SRPK2: variants seen among roughly 807,000 people sequenced by gnomAD.
The protein encoded by SRPK2 is SRSF protein kinase 2.
A neutral mutation model predicts 90.8 loss-of-function variants in SRPK2; 21 were observed. That is an observed-to-expected ratio of 0.23 (90% CI 0.16 to 0.33). SRPK2 has a LOEUF of 0.33. SRPK2 is among the 10% of genes least tolerant of loss of function. The pLI is 1.00. For synonymous variants in SRPK2, 288 were observed against 311.1 expected (o/e 0.93, Z 0.78); for missense variants, 620 against 869.0 (o/e 0.71, Z 3.60).
chr7:105,178,891 A>C (rs74880983), intron 3 of SRPK2, among the ~76,000 whole-genome samples: 2,040 of 152,330 alleles, frequency 0.013, 49 homozygotes, highest in African/African-American at 0.046. Context: ...TTTCCTCATT[A>C]GTAATTTAAA....
At chr7:105,172,067 C>T (rs1226220862) in intron 3 of SRPK2, among the ~76,000 whole-genome samples, 4 of 151,872 alleles carry the variant, frequency 2.6e-5, no homozygotes, top group African/African-American at 9.7e-5. Context: ...CTAATTTTTG[C>T]GTTTTTAGTA....
chr7:105,237,754 A>G (rs1800315860), intron 2 of SRPK2, among the ~76,000 whole-genome samples: 1 of 152,248 alleles, frequency 6.6e-6, no homozygotes, highest in Non-Finnish European at 1.5e-5. Flanking sequence ...GTGCTGTGGT[A>G]AAGCTACAAG....
intron 2 of SRPK2, chr7:105,301,769 G>C (rs749043490): frequency 4.1e-5 from 65 of 1,590,362 alleles, no homozygotes; most frequent in Non-Finnish European, 5.4e-5. Flanking sequence ...TATTAGCCAA[G>C]TTACAGGAAG....
chr7:105,272,068 T>C (rs1431088002), intron 2 of SRPK2, among the ~76,000 whole-genome samples: 1 of 152,200 alleles, frequency 6.6e-6, no homozygotes, highest in Non-Finnish European at 1.5e-5. Flanking sequence ...CAGTCTGCTT[T>C]TACAAGTCAG....
intron 2 of SRPK2, among the ~76,000 whole-genome samples, chr7:105,288,261 A>G (rs1808435116): frequency 6.6e-6 from 1 of 152,190 alleles, no homozygotes; most frequent in Non-Finnish European, 1.5e-5. Flanking sequence ...CAAAATTGCT[A>G]AAATAAATCA....
At chr7:105,272,640 G>A (rs1037057823) in intron 2 of SRPK2, among the ~76,000 whole-genome samples, 1 of 152,036 alleles carries the variant, frequency 6.6e-6, no homozygotes, top group African/African-American at 2.4e-5. Flanking sequence ...TGATCCTTCT[G>A]TCTACATACA....
chr7:105,363,111 C>CA (rs1818623975), intron 2 of SRPK2, among the ~76,000 whole-genome samples: 1 of 152,024 alleles, frequency 6.6e-6, no homozygotes, highest in African/African-American at 2.4e-5. Flanking sequence ...GGGTGCAGCA[C>CA]ACCAACATGG....
chr7:105,233,474 T>G (rs1338698578), intron 2 of SRPK2, among the ~76,000 whole-genome samples: 1 of 152,174 alleles, frequency 6.6e-6, no homozygotes, highest in Non-Finnish European at 1.5e-5. Flanking sequence ...ATGGAGAACT[T>G]GCATATGAGA....
chr7:105,203,029 C>T (rs1279934297), intron 3 of SRPK2, among the ~76,000 whole-genome samples: 2 of 152,172 alleles, frequency 1.3e-5, no homozygotes, highest in African/African-American at 2.4e-5. Context: ...GGTTCTGCCG[C>T]CCAGGCTGGA....
intron 3 of SRPK2, among the ~76,000 whole-genome samples, chr7:105,176,023 T>C (rs1405525200): frequency 6.6e-6 from 1 of 152,154 alleles, no homozygotes; most frequent in African/African-American, 2.4e-5. Context: ...GCAAAGACAT[T>C]ATAAGAAAAC....
intron 2 of SRPK2, among the ~76,000 whole-genome samples, chr7:105,288,917 C>A (rs1006017888): frequency 6.6e-6 from 1 of 152,028 alleles, no homozygotes; most frequent in Non-Finnish European, 1.5e-5. Flanking sequence ...AGTATAAAAT[C>A]TCTCAATAAC....
intron 3 of SRPK2, among the ~76,000 whole-genome samples, chr7:105,203,340 C>T (rs1195863654): frequency 6.6e-6 from 1 of 152,188 alleles, no homozygotes; most frequent in East Asian, 1.9e-4. Context: ...CTGCTGTATA[C>T]TACCTTTAAT....
intron 2 of SRPK2, among the ~76,000 whole-genome samples, chr7:105,367,711 T>C (rs1262070935): frequency 6.6e-6 from 1 of 152,200 alleles, no homozygotes; most frequent in East Asian, 1.9e-4. Context: ...ATGTTTGCAC[T>C]TCTCTTGACT....
At chr7:105,173,927 T>G (rs901642480) in intron 3 of SRPK2, among the ~76,000 whole-genome samples, 6 of 151,102 alleles carry the variant, frequency 4.0e-5, no homozygotes, top group East Asian at 1.9e-4. Context: ...TTGGTGTTTT[T>G]TTTTTTTTTT....
intron 3 of SRPK2, among the ~76,000 whole-genome samples, chr7:105,194,778 A>G (rs556483194): frequency 1.3e-5 from 2 of 152,282 alleles, no homozygotes; most frequent in African/African-American, 4.8e-5. Context: ...GACACTACCC[A>G]TTCAAGGCAT....
At chr7:105,180,083 A>C (rs1383957277) in intron 3 of SRPK2, among the ~76,000 whole-genome samples, 1 of 152,188 alleles carries the variant, frequency 6.6e-6, no homozygotes, top group Non-Finnish European at 1.5e-5. Context: ...AAGATCTTAA[A>C]GTCCATAAGG....
intron 2 of SRPK2, among the ~76,000 whole-genome samples, chr7:105,211,584 A>T (rs947600111): frequency 2.0e-5 from 3 of 152,044 alleles, no homozygotes; most frequent in African/African-American, 7.2e-5. Flanking sequence ...GGTGCTACAC[A>T]CTTTTAGAAC....
rs1554428678 is a variant in SRPK2 at position 105,159,466 on chromosome 7, A to AAAC, written c.621+1040_621+1041insGTT. The stretch of plus-strand genomic sequence containing the variant: ...CCGTCTCCAAAAAAAAAAAAAAAAA[A>AAAC]AAAAAAACCGTACAAAAGGAAGAAG... On this transcript the variant is annotated intron_variant, in intron 7 of 15. Transcript: ENST00000393651. Among the ~76,000 whole-genome samples, 247 of 114,312 alleles carry AAAC rather than the reference A, an allele frequency of 2.2e-3. 2 individuals are homozygous for AAAC. Among genetic ancestry groups the AAAC allele is most frequent in the Non-Finnish European group, 3.1e-3 (171 of 54,500 alleles). The allele number at this position is 114,312 out of a possible 152,430, so 75.0% of individuals were successfully genotyped here. A position where few individuals can be genotyped will look rare whatever the true frequency, so the allele number is the denominator to read the frequency against.
chr7:105,338,497 GGTGATCCACTCAGCCTCCTA>G, intron 2 of SRPK2, among the ~76,000 whole-genome samples: 1 of 152,100 alleles, frequency 6.6e-6, no homozygotes, highest in South Asian at 2.1e-4. Context: ...ATCCACCTCA[GGTGATCCACTCAGCCTCCTA>G]AAGTCCTGGG....
Sources: gnomAD v4.1 joint callset for allele counts (sites outside exome capture counted in the v4.1 genomes callset) on GRCh38, gnomAD v4.1.1 for gene constraint, MANE v1.5 for transcripts, NCBI Gene and HGNC (gene_info 2026-07-23, HGNC 2026-07-21) for gene names.